PTCHD4: variants seen among roughly 807,000 people sequenced by gnomAD.
PTCHD4 encodes patched domain containing 4, also known as patched domain-containing protein 4.
PTCHD4 carries 33 observed loss-of-function variants against 58.1 expected under a neutral mutation model. The observed-to-expected ratio is 0.57, with a 90% CI of 0.43 to 0.76. PTCHD4 has a LOEUF of 0.76. PTCHD4 is among the 30% of genes least tolerant of loss of function. PTCHD4 has a pLI of 0.00. For missense variants in PTCHD4, 1,058 were observed against 1,027.1 expected, an observed-to-expected ratio of 1.03 and a Z score of -0.41; for synonymous variants, 478 against 409.6, an observed-to-expected ratio of 1.17 and a Z score of -2.02.
chr6:47,907,463 G>A (rs754838059), intron 4 of PTCHD4, among the ~76,000 whole-genome samples: 5 of 152,284 alleles, frequency 3.3e-5, no homozygotes, highest in South Asian at 2.1e-4. Flanking sequence ...TGTGAAAGGA[G>A]GAATGAAGAG....
chr6:47,934,226 A>G (rs914108264), intron 4 of PTCHD4, among the ~76,000 whole-genome samples: 1 of 152,156 alleles, frequency 6.6e-6, no homozygotes, highest in African/African-American at 2.4e-5. Context: ...CCTGGATTCA[A>G]GCTGCAGGCG....
chr6:47,879,868 T>G lies in PTCHD4; in HGVS notation c.967A>C (p.Lys323Gln). 1.2e-6 allele frequency: 2 copies of G among 1,600,668 alleles called. No individual in the cohort carries two copies. Among genetic ancestry groups the G allele is most frequent in the Non-Finnish European group, 1.7e-6 (2 of 1,173,044 alleles). ...WRRTKENLPF[K>Q]DRIADAYSDV... Reference sequence around the variant, plus strand: ...GAATAGGCATCTGCTATCCTGTCTTTGAAGGGCAAGTTCTCTTTGGTTCTC... The same window carrying G: ...GAATAGGCATCTGCTATCCTGTCTTGGAAGGGCAAGTTCTCTTTGGTTCTC... Residue 323 changes from lysine (K) to glutamine (Q), a missense_variant, in exon 5 of 5, where the codon AAA becomes CAA. By Grantham distance (53) the Lys-to-Gln change is moderately conservative. Transcript: ENST00000339488.
At chr6:48,066,582 A>G (rs934995202) in intron 3 of PTCHD4, among the ~76,000 whole-genome samples, 1 of 152,210 alleles carries the variant, frequency 6.6e-6, no homozygotes, top group African/African-American at 2.4e-5. Context: ...GCAAGCAATA[A>G]TGTTGATGGC....
intron 4 of PTCHD4, among the ~76,000 whole-genome samples, chr6:47,933,628 G>A (rs918672535): frequency 1.3e-5 from 2 of 152,182 alleles, no homozygotes; most frequent in African/African-American, 4.8e-5. Flanking sequence ...AGGTAGGGCA[G>A]TAAGACACAA....
chr6:47,931,935 C>CA (rs899161550), intron 4 of PTCHD4, among the ~76,000 whole-genome samples: 4 of 152,214 alleles, frequency 2.6e-5, no homozygotes, highest in African/African-American at 9.6e-5. Flanking sequence ...TGAAGTGACC[C>CA]AAGGACTAAA....
rs760944463 is a variant in PTCHD4, at chr6:48,069,555, A to C, written c.-598T>G. 1.3e-5 allele frequency among the ~76,000 whole-genome samples: 2 copies of C among 152,202 alleles called. No individual in the cohort carries two copies. Among genetic ancestry groups the C allele is most frequent in the Non-Finnish European group, 2.9e-5 (2 of 68,032 alleles). ...GTGATTCCACAGACCAGTCCGCTGC[A>C]GCTGAGGGCTGCGGAGACTCCATCT... On this transcript the variant is annotated 5_prime_UTR_variant, in exon 2 of 5. Coordinates refer to ENST00000339488, the MANE Select transcript of PTCHD4 (RefSeq NM_001384253.1).
At chr6:48,093,828 GC>G (rs1765411670) in intron 1 of PTCHD4, among the ~76,000 whole-genome samples, 1 of 152,140 alleles carries the variant, frequency 6.6e-6, no homozygotes, top group Non-Finnish European at 1.5e-5. Flanking sequence ...CACCATGGAA[GC>G]TTTTACATCT....
At chr6:47,987,415 AG>A (rs1215608845) in intron 4 of PTCHD4, among the ~76,000 whole-genome samples, 2 of 151,566 alleles carry the variant, frequency 1.3e-5, no homozygotes, top group African/African-American at 4.9e-5. Context: ...ATAAAAAAAA[AG>A]ATTAAAAAAA....
Position 47,865,729 on chromosome 6 carries a change from T to C in PTCHD4, c.*12574A>G, listed in dbSNP as rs532306404. 2.0e-5 allele frequency among the ~76,000 whole-genome samples: 3 copies of C among 151,944 alleles called. No homozygotes were observed. The highest frequency in any genetic ancestry group is 4.1e-4 in the South Asian group (2 of 4,828). Reference sequence around the variant, plus strand: ...TTAATTCTTTGGTTCAGGTCTCTCATCTCCAGTCTAACCTACACTTAGAAC... The same window carrying C: ...TTAATTCTTTGGTTCAGGTCTCTCACCTCCAGTCTAACCTACACTTAGAAC... On this transcript the variant is annotated 3_prime_UTR_variant, in exon 5 of 5. Coordinates refer to ENST00000339488, the MANE Select transcript of PTCHD4 (RefSeq NM_001384253.1).
chr6:48,061,406 C>T (rs760466987), intron 3 of PTCHD4, among the ~76,000 whole-genome samples: 13 of 152,242 alleles, frequency 8.5e-5, no homozygotes, highest in Non-Finnish European at 1.5e-4. Context: ...CCATGATAAA[C>T]GATATGCTGA....
At position 47,878,330 on chromosome 6, in the gene PTCHD4, C is replaced by T. The variant is rs1358082365; in HGVS notation, c.2505G>A (p.Glu835=). 2 of 1,603,880 alleles carry T rather than the reference C, an allele frequency of 1.2e-6. No homozygotes were observed. The highest frequency in any genetic ancestry group is 1.7e-6 in the Non-Finnish European group (2 of 1,175,258). ...ATACTGTGGTGACGTGATCCGGGTT[C>T]TCTTGAATTTCTATGCATTCAATTT... The part of the protein sequence containing the change: ...REEIECIEIQ[E]NPDHVTTV Residue 835 remains glutamate (E), a synonymous_variant, in exon 5 of 5, where the codon GAG becomes GAA. Transcript: ENST00000339488.
At chr6:48,102,230 A>G (rs1020055535) in intron 1 of PTCHD4, among the ~76,000 whole-genome samples, 1 of 152,192 alleles carries the variant, frequency 6.6e-6, no homozygotes, top group Non-Finnish European at 1.5e-5. Flanking sequence ...GCAAAGTTCA[A>G]TCCAGAGAAA....
intron 1 of PTCHD4, among the ~76,000 whole-genome samples, chr6:48,098,121 G>A (rs1765512854): frequency 6.6e-6 from 1 of 152,066 alleles, no homozygotes; most frequent in Non-Finnish European, 1.5e-5. Context: ...ATCAGGAAAA[G>A]CCCAGGAGCA....
intron 4 of PTCHD4, among the ~76,000 whole-genome samples, chr6:47,888,343 C>G (rs568745819): frequency 1.3e-5 from 2 of 151,566 alleles, no homozygotes; most frequent in Middle Eastern, 3.4e-3. Flanking sequence ...GGCGACAGCG[C>G]GAGACTCAGT....
chr6:47,964,243 G>A (rs569215819), intron 4 of PTCHD4, among the ~76,000 whole-genome samples: 2 of 152,288 alleles, frequency 1.3e-5, no homozygotes, highest in Non-Finnish European at 2.9e-5. Flanking sequence ...ACAATATATT[G>A]TGCCTATGGT....
intron 3 of PTCHD4, among the ~76,000 whole-genome samples, chr6:48,038,620 A>C (rs1346325311): frequency 6.8e-6 from 1 of 147,742 alleles, no homozygotes; most frequent in Admixed American, 6.9e-5. Context: ...AGCCAAGATC[A>C]TGGCACTGCA....
chr6:47,938,468 G>C (rs1419120180), intron 4 of PTCHD4, among the ~76,000 whole-genome samples: 2 of 152,178 alleles, frequency 1.3e-5, no homozygotes, highest in Non-Finnish European at 2.9e-5. Flanking sequence ...GATGCTAAAA[G>C]GTAGATTGTG....
chr6:48,108,481 T>G (rs1351938012), intron 1 of PTCHD4, among the ~76,000 whole-genome samples: 1 of 151,956 alleles, frequency 6.6e-6, no homozygotes, highest in East Asian at 1.9e-4. Flanking sequence ...AGGGATAGCA[T>G]TAGGAGGTAT....
At chr6:47,893,889 G>A (rs73736546) in intron 4 of PTCHD4, among the ~76,000 whole-genome samples, 4 of 152,190 alleles carry the variant, frequency 2.6e-5, no homozygotes, top group African/African-American at 7.2e-5. Context: ...GATTAACAAA[G>A]GGTTTAGTTA....
Sources: allele counts gnomAD v4.1 joint callset (sites outside exome capture counted in the v4.1 genomes callset), GRCh38; gene constraint gnomAD v4.1.1; transcripts MANE v1.5; gene names NCBI Gene and HGNC (gene_info 2026-07-23, HGNC 2026-07-21).